Variants in USP4 observed in about 807,000 individuals in gnomAD.
USP4 encodes ubiquitin carboxyl-terminal hydrolase 4.
Under a neutral mutation model 118.2 loss-of-function variants are expected in USP4, and 72 were observed. That is an observed-to-expected ratio of 0.61 (90% CI 0.50 to 0.74). The LOEUF (loss-of-function observed/expected upper bound fraction) is 0.74. Ranked by LOEUF, USP4 falls within the 30% of genes least tolerant of loss-of-function variation. The probability of loss-of-function intolerance (pLI) is 0.00; values close to 1 mark genes in which losing one functional copy is unlikely to be tolerated. For synonymous variants in USP4, 415 were observed against 440.4 expected (o/e 0.94, Z 0.72); for missense variants, 1,037 against 1,185.7 (o/e 0.87, Z 1.84).
intron 15 of USP4, among the ~76,000 whole-genome samples, chr3:49,291,529 G>A (rs1220812562): frequency 6.7e-5 from 10 of 148,332 alleles, no homozygotes; most frequent in East Asian, 2.0e-4. Flanking sequence ...AGCCAAGATC[G>A]CGCCACTGCG....
chr3:49,333,135 A>G (rs1361428234), intron 2 of USP4, among the ~76,000 whole-genome samples: 3 of 150,580 alleles, frequency 2.0e-5, no homozygotes, highest in Admixed American at 6.6e-5. Flanking sequence ...TGTGTTCACT[A>G]GAGTAGCACT....
rs142027188 is a variant in USP4 at position 49,330,440 on chromosome 3, G to A, written c.230-2624C>T. On this transcript the variant is annotated intron_variant, in intron 2 of 21. Coordinates refer to ENST00000265560, the MANE Select transcript of USP4 (RefSeq NM_003363.4). ...CCTCTCGGGTTCATGCTATTCTCCC[G>A]CCTCAGCCTCCCGAGGAGCTGGGAC... Among the ~76,000 whole-genome samples, 443 of 151,482 alleles carry A rather than the reference G, an allele frequency of 2.9e-3. 3 individuals carry two copies. The highest frequency in any genetic ancestry group is 9.4e-3 in the African/African-American group (387 of 41,354).
At chr3:49,337,342 T>C (rs2047679314) in intron 1 of USP4, among the ~76,000 whole-genome samples, 1 of 152,164 alleles carries the variant, frequency 6.6e-6, no homozygotes, top group South Asian at 2.1e-4. Context: ...GTACATATAA[T>C]AGTGCCTATT....
At chr3:49,317,708 G>GTT (rs76005205) in intron 6 of USP4, among the ~76,000 whole-genome samples, 15 of 135,532 alleles carry the variant, frequency 1.1e-4, no homozygotes, top group African/African-American at 3.0e-4. Flanking sequence ...TGCCCGTGGT[G>GTT]TTTTTTTTTT....
At chr3:49,328,863 G>T (rs1184486075) in intron 2 of USP4, among the ~76,000 whole-genome samples, 1 of 147,960 alleles carries the variant, frequency 6.8e-6, no homozygotes, top group African/African-American at 2.5e-5. Flanking sequence ...TGTCTCAAAA[G>T]AAATAAAAAT....
chr3:49,331,234 C>T lies in USP4; in HGVS notation c.230-3418G>A, dbSNP rs560096089. ...ACTCAGGAGGCTGAGGCAGGAGAATCGCTTGAACCTGGGAGGCAGAGGTTG... is the reference window on the plus strand; with the variant it reads ...ACTCAGGAGGCTGAGGCAGGAGAATTGCTTGAACCTGGGAGGCAGAGGTTG... On this transcript the variant is annotated intron_variant, in intron 2 of 21. Coordinates refer to ENST00000265560, the MANE Select transcript of USP4 (RefSeq NM_003363.4). Among the ~76,000 whole-genome samples, 60 of 152,080 alleles carry T rather than the reference C, an allele frequency of 3.9e-4. No individual in the cohort carries two copies. The East Asian group carries it at 9.6e-3, about 24-fold the overall frequency.
chr3:49,334,915 C>T (rs1400477840), intron 2 of USP4, among the ~76,000 whole-genome samples: 1 of 152,198 alleles, frequency 6.6e-6, no homozygotes, highest in Admixed American at 6.5e-5. Flanking sequence ...CTGACTCTGT[C>T]ATCTCAGTGC....
intron 5 of USP4, 56 bp downstream of exon 5, chr3:49,324,838 C>G (rs1243929284): frequency 6.2e-7 from 1 of 1,613,942 alleles, no homozygotes. Context: ...CAAAAAGTAT[C>G]TGGCCACACA....
intron 8 of USP4, among the ~76,000 whole-genome samples, chr3:49,307,598 A>G (rs1006761620): frequency 2.0e-5 from 3 of 152,000 alleles, no homozygotes; most frequent in African/African-American, 7.2e-5. Context: ...CAGATTATCA[A>G]TTTTATGAGG....
chr3:49,284,688 T>C (rs1202897503), intron 17 of USP4, 104 bp from the exon 18 acceptor site: 1 of 1,234,672 alleles, frequency 8.1e-7, no homozygotes, highest in Non-Finnish European at 1.2e-6. Flanking sequence ...GTACACTTTC[T>C]AGAGCCTCTG....
chr3:49,284,392 T>G, intron 18 of USP4, 74 bp downstream of exon 18: 1 of 1,243,802 alleles, frequency 8.0e-7, no homozygotes, highest in East Asian at 2.3e-5. Flanking sequence ...GGGGTTTATG[T>G]GCACAGATGG....
At chr3:49,295,776 G>A (rs536517971) in intron 13 of USP4, among the ~76,000 whole-genome samples, 1 of 151,452 alleles carries the variant, frequency 6.6e-6, no homozygotes, top group Non-Finnish European at 1.5e-5. Context: ...CCTGACTGAA[G>A]TTTATGAAGG....
chr3:49,333,757 G>T (rs2047642808), intron 2 of USP4, among the ~76,000 whole-genome samples: 1 of 152,158 alleles, frequency 6.6e-6, no homozygotes, highest in Admixed American at 6.6e-5. Flanking sequence ...ATCCCTGTTG[G>T]CTGGGCATGG....
At position 49,280,739 on chromosome 3, in the gene USP4, C is replaced by CT. The variant is rs2047014146; in HGVS notation, c.2644+4dup. The CT allele has an allele frequency of 6.2e-7, 1 of 1,613,238 alleles. No individual in the cohort carries two copies. Among genetic ancestry groups the CT allele is most frequent in the Admixed American group, 1.7e-5 (1 of 60,000 alleles). ...TCTCAGAAGGAAGCAGATGTCAATACTTACAGTGGCCAACCCCCATGGCTC... is the reference window on the plus strand; with the variant it reads ...TCTCAGAAGGAAGCAGATGTCAATACTTTACAGTGGCCAACCCCCATGGCTC... On this transcript the variant is annotated splice_donor_region_variant and intron_variant, in intron 20 of 21. Coordinates refer to ENST00000265560, the MANE Select transcript of USP4 (RefSeq NM_003363.4).
intron 13 of USP4, among the ~76,000 whole-genome samples, chr3:49,295,736 C>CACACACACACACACACACACACACA (rs1336643836): frequency 7.0e-6 from 1 of 142,898 alleles, no homozygotes; most frequent in African/African-American, 2.7e-5. Context: ...ACACACACAC[C>CACACACACACACACACACACACACA]CCCCCCTCCC....
rs375855632 is a variant in USP4 at position 49,325,031 on chromosome 3, C to T, written c.496G>A (p.Glu166Lys). ...FSKADTIATIEKEMRKLFNIP... is the reference protein window; with the variant it reads ...FSKADTIATIKKEMRKLFNIP... ...TTGAATAGCTTCCGCATCTCTTTCT[C>T]GATGGTTGCTAGGAACAGGCAGAAA... is the stretch of plus-strand genomic sequence containing the variant. Residue 166 changes from glutamate to lysine, a missense_variant, in exon 5 of 22, where the codon GAG becomes AAG. Physicochemically the swap from Glu to Lys is moderately conservative, Grantham distance 56. Transcript: ENST00000265560. The T allele has an allele frequency of 4.7e-5, 75 of 1,612,850 alleles. No individual in the cohort carries two copies. The highest frequency in any genetic ancestry group is 3.3e-4 in the Middle Eastern group (2 of 6,058).
intron 21 of USP4, 147 bp from the exon 22 acceptor site, chr3:49,278,598 G>A (rs2046985893): frequency 1.9e-6 from 2 of 1,045,820 alleles, no homozygotes; most frequent in South Asian, 1.6e-5. Context: ...GCCCCTGCCA[G>A]GCAGCAGGAA....
chr3:49,325,667 A>T, intron 4 of USP4, 52 bp downstream of exon 4: 1 of 1,594,508 alleles, frequency 6.3e-7, no homozygotes, highest in South Asian at 1.1e-5. Context: ...CATCAGCCAC[A>T]ATGTCCTACA....
chr3:49,302,571 CATA>C (rs750812394), intron 9 of USP4, 29 bp from the exon 10 acceptor site: 2 of 1,603,250 alleles, frequency 1.2e-6, no homozygotes, highest in Non-Finnish European at 1.7e-6. Context: ...TATCAGAAGG[CATA>C]ATACGTAAAG....
Sources: allele counts gnomAD v4.1 joint callset (sites outside exome capture counted in the v4.1 genomes callset), GRCh38; gene constraint gnomAD v4.1.1; transcripts MANE v1.5; gene names NCBI Gene and HGNC (gene_info 2026-07-23, HGNC 2026-07-21).